CSTF3: variants seen among roughly 807,000 people sequenced by gnomAD.
CSTF3 encodes the protein cleavage stimulation factor subunit 3.
A neutral mutation model predicts 105.8 loss-of-function variants in CSTF3; 29 were observed. That is an observed-to-expected ratio of 0.27 (90% confidence interval 0.20 to 0.37). The LOEUF (loss-of-function observed/expected upper bound fraction) is 0.37. Among genes scored for constraint, CSTF3 ranks in the 10% least tolerant of loss-of-function variants. The pLI is 1.00. For missense variants in CSTF3, 357 were observed against 879.3 expected (o/e 0.41, Z 7.51); for synonymous variants, 252 against 281.9 (o/e 0.89, Z 1.06).
chr11:33,108,727 G>C (rs1392051386), intron 3 of CSTF3, among the ~76,000 whole-genome samples: 2 of 152,152 alleles, frequency 1.3e-5, no homozygotes. Context: ...TACCTGAATA[G>C]GATGTATCCA....
intron 3 of CSTF3, among the ~76,000 whole-genome samples, chr11:33,110,076 T>C (rs1052176543): frequency 2.0e-5 from 3 of 152,228 alleles, no homozygotes. Flanking sequence ...CAGTTGTATT[T>C]CTCCTCTAGC....
At chr11:33,122,254 C>T (rs1206925554) in intron 3 of CSTF3, among the ~76,000 whole-genome samples, 1 of 152,098 alleles carries the variant, frequency 6.6e-6, no homozygotes, top group African/African-American at 2.4e-5. Flanking sequence ...AGAATATAAT[C>T]CTTATATATA....
At chr11:33,102,894 TA>T (rs773053966) in intron 9 of CSTF3, among the ~76,000 whole-genome samples, 39 of 152,288 alleles carry the variant, frequency 2.6e-4, no homozygotes, top group Admixed American at 6.5e-5. Context: ...TTCCATATTT[TA>T]AAAAACAATT....
At chr11:33,148,705 A>C (rs921564793) in intron 1 of CSTF3, among the ~76,000 whole-genome samples, 2 of 151,876 alleles carry the variant, frequency 1.3e-5, no homozygotes, top group African/African-American at 2.4e-5. Flanking sequence ...AAAAAAAAAA[A>C]AAACTATGCT....
At chr11:33,147,073 T>C (rs953558203) in intron 1 of CSTF3, among the ~76,000 whole-genome samples, 2 of 151,186 alleles carry the variant, frequency 1.3e-5, no homozygotes, top group Non-Finnish European at 3.0e-5. Context: ...GGCGGACTGC[T>C]TGAGGCCAGA....
Position 33,086,978 on chromosome 11 carries a change from C to A in CSTF3, c.1795+10G>T. The A allele has an allele frequency of 6.2e-7, 1 of 1,613,960 alleles. No homozygotes were observed. The highest frequency in any genetic ancestry group is 1.1e-5 in the South Asian group (1 of 91,020). On this transcript the variant is annotated intron_variant, in intron 18 of 20. Transcript: ENST00000323959. ...AACGTCTCAGTACTGGATCTAAAGT[C>A]ATGGCTTACGTGCTAAATGTCGTGG...
At chr11:33,089,377 G>A (rs1282224656) in intron 17 of CSTF3, among the ~76,000 whole-genome samples, 1 of 150,942 alleles carries the variant, frequency 6.6e-6, no homozygotes, top group Non-Finnish European at 1.5e-5. Flanking sequence ...ACGATGTATA[G>A]GAAAACCAAT....
intron 1 of CSTF3, among the ~76,000 whole-genome samples, chr11:33,145,352 A>C (rs995347317): frequency 2.6e-5 from 4 of 152,030 alleles, no homozygotes; most frequent in African/African-American, 9.7e-5. Context: ...TGGCAGGATC[A>C]CCTGAGCCCA....
intron 18 of CSTF3, 110 bp downstream of exon 18, chr11:33,086,878 T>A: frequency 8.3e-7 from 1 of 1,204,784 alleles, no homozygotes. Context: ...TGATCCTAAG[T>A]CTAATAATTA....
At position 33,150,219 on chromosome 11, in the gene CSTF3, T is replaced by TAA. The variant is rs10714096; in HGVS notation, c.28-8235_28-8234dup. ...AACAGATGGAGACTCTGTCTCAAAC[T>TAA]AAAAAAAAAAAAAAAAAAAAGAAAA... On this transcript the variant is annotated intron_variant, in intron 1 of 20. Coordinates refer to ENST00000323959, the MANE Select transcript of CSTF3 (RefSeq NM_001326.3). Among the ~76,000 whole-genome samples, 94 of 104,374 alleles carry TAA rather than the reference T, an allele frequency of 9.0e-4. 1 individual carries two copies. Among genetic ancestry groups the TAA allele is most frequent in the African/African-American group, 2.4e-3 (68 of 27,784 alleles). 68.5% of individuals were successfully genotyped at this position (104,374 alleles called of 152,430 possible).
intron 20 of CSTF3, 53 bp from the exon 21 acceptor site, chr11:33,085,342 T>G (rs748152662): frequency 3.8e-5 from 54 of 1,428,534 alleles, no homozygotes; most frequent in Non-Finnish European, 5.0e-5. Flanking sequence ...TGAAAGGGTA[T>G]GTATGTTCAA....
chr11:33,151,555 A>C (rs1173494419), intron 1 of CSTF3, among the ~76,000 whole-genome samples: 1 of 152,142 alleles, frequency 6.6e-6, no homozygotes, highest in Non-Finnish European at 1.5e-5. Context: ...TTTACTTTTG[A>C]CAATATTCCA....
chr11:33,156,007 A>G lies in CSTF3; in HGVS notation c.27+5292T>C, dbSNP rs1232042120. On this transcript the variant is annotated intron_variant, in intron 1 of 20. Transcript: ENST00000323959. The stretch of plus-strand genomic sequence containing the variant: ...TGAAATAATGTTGAAGGAATGCAGT[A>G]TCACCTAACACAGTACCTTTCTGCT... Among the ~76,000 whole-genome samples, 3 of 152,240 alleles carry G rather than the reference A, an allele frequency of 2.0e-5. No homozygotes were observed. In the East Asian group the frequency reaches 5.8e-4, roughly 29 times the overall value.
At chr11:33,093,207 A>G (rs1041799176) in intron 15 of CSTF3, among the ~76,000 whole-genome samples, 2 of 152,210 alleles carry the variant, frequency 1.3e-5, no homozygotes, top group Non-Finnish European at 2.9e-5. Context: ...ATATTAGACC[A>G]AAGAAGATGG....
chr11:33,135,271 T>C (rs1188170870), intron 3 of CSTF3, among the ~76,000 whole-genome samples: 1 of 152,166 alleles, frequency 6.6e-6, no homozygotes, highest in African/African-American at 2.4e-5. Flanking sequence ...AAGCACATAG[T>C]AGATGCTTCA....
chr11:33,146,623 T>TAG (rs1554952627), intron 1 of CSTF3, among the ~76,000 whole-genome samples: 1 of 144,064 alleles, frequency 6.9e-6, no homozygotes, highest in Non-Finnish European at 1.5e-5. Context: ...TGTAGTCACT[T>TAG]AAAAAAAAAA....
At position 33,099,583 on chromosome 11, in the gene CSTF3, G is replaced by C. The variant is rs897116010; in HGVS notation, c.936+25C>G. 4 of 1,431,186 alleles carry C rather than the reference G, an allele frequency of 2.8e-6. No individual in the cohort carries two copies. The highest frequency in any genetic ancestry group is 1.4e-5 in the African/African-American group (1 of 70,652). The allele number at this position is 1,431,186 out of a possible 1,614,324, so 88.7% of individuals were successfully genotyped here. ...ATATCAAAACCACAAAAATATCAAA[G>C]TGGGGATAGGGAAGGAACACTTACT... On this transcript the variant is annotated intron_variant, in intron 11 of 20. Coordinates refer to ENST00000323959, the MANE Select transcript of CSTF3 (RefSeq NM_001326.3). This position sits in a 1 kb window ranked among gnomAD's most constrained non-coding sequence, Gnocchi z 4.1.
chr11:33,122,592 G>T (rs996527360), intron 3 of CSTF3, among the ~76,000 whole-genome samples: 1 of 152,012 alleles, frequency 6.6e-6, no homozygotes, highest in Admixed American at 6.6e-5. Flanking sequence ...GCCAACAGAA[G>T]AAATACTTAA....
intron 3 of CSTF3, among the ~76,000 whole-genome samples, chr11:33,140,295 T>C (rs1055851637): frequency 2.0e-5 from 3 of 151,984 alleles, no homozygotes; most frequent in Admixed American, 6.6e-5. Flanking sequence ...GTGATTTAAA[T>C]ATATTAAGGA....
Sources: gnomAD v4.1 joint callset for allele counts (sites outside exome capture counted in the v4.1 genomes callset) on GRCh38, gnomAD v4.1.1 for gene constraint, Gnocchi (gnomAD v3.1) non-coding constraint, MANE v1.5 for transcripts, NCBI Gene and HGNC (gene_info 2026-07-23, HGNC 2026-07-21) for gene names.